TNFSF13B: variants seen among roughly 807,000 people sequenced by gnomAD.
TNFSF13B encodes the protein tumor necrosis factor ligand superfamily member 13B.
TNFSF13B carries 8 observed loss-of-function variants against 29.1 expected under a neutral mutation model. The ratio of observed to expected loss-of-function variants is 0.27; its 90% CI spans 0.16 to 0.50. TNFSF13B has a LOEUF of 0.50. Among genes scored for constraint, TNFSF13B ranks in the 20% least tolerant of loss-of-function variants. The probability of loss-of-function intolerance (pLI) is 0.98; values close to 1 mark genes in which losing one functional copy is unlikely to be tolerated. For synonymous variants in TNFSF13B, 125 were observed against 130.8 expected (o/e 0.96, Z 0.30); for missense variants, 248 against 334.9 (o/e 0.74, Z 2.03).
intron 3 of TNFSF13B, among the ~76,000 whole-genome samples, chr13:108,291,754 G>A (rs1881319944): frequency 6.6e-6 from 1 of 151,736 alleles, no homozygotes; most frequent in African/African-American, 2.4e-5. Flanking sequence ...CATTTATTGG[G>A]TGATATAAAT....
Position 108,298,879 on chromosome 13 carries a change from G to A in TNFSF13B, c.482-4374G>A, listed in dbSNP as rs140497569. ...GCAGCTACTCGGGAGGCTGAGGCAG[G>A]AGAATCACTCGAACCCCAGAGGCAG... On this transcript the variant is annotated intron_variant, in intron 3 of 5. Coordinates refer to ENST00000375887, the MANE Select transcript of TNFSF13B (RefSeq NM_006573.5). Among the ~76,000 whole-genome samples, 1,016 of 145,640 alleles carry A rather than the reference G, an allele frequency of 7.0e-3. 151 individuals carry two copies. Among genetic ancestry groups the A allele is most frequent in the African/African-American group, 0.025 (958 of 38,750 alleles).
chr13:108,290,418 G>A (rs886829132), intron 3 of TNFSF13B, among the ~76,000 whole-genome samples: 1 of 152,120 alleles, frequency 6.6e-6, no homozygotes, highest in East Asian at 1.9e-4. Context: ...TTATTGCTAA[G>A]TGGTCCTATA....
At chr13:108,272,807 A>G (rs1880657378) in intron 2 of TNFSF13B, among the ~76,000 whole-genome samples, 1 of 152,038 alleles carries the variant, frequency 6.6e-6, no homozygotes, top group Non-Finnish European at 1.5e-5. Context: ...CTTCACTGCT[A>G]ATATCCCCGT....
intron 3 of TNFSF13B, among the ~76,000 whole-genome samples, chr13:108,291,372 A>G (rs1235407703): frequency 1.3e-5 from 2 of 151,768 alleles, no homozygotes; most frequent in East Asian, 3.9e-4. Context: ...CATGATATAT[A>G]TTTATATTTT....
chr13:108,296,815 T>A (rs2139064154), intron 3 of TNFSF13B, among the ~76,000 whole-genome samples: 1 of 145,604 alleles, frequency 6.9e-6, no homozygotes, highest in South Asian at 2.1e-4. Flanking sequence ...ACAATAAACA[T>A]CCTAAATTTA....
chr13:108,274,208 C>T (rs1880697121), intron 2 of TNFSF13B, among the ~76,000 whole-genome samples: 1 of 151,974 alleles, frequency 6.6e-6, no homozygotes, highest in Non-Finnish European at 1.5e-5. Context: ...AAGTTAAGCA[C>T]AAAGTTTTGA....
chr13:108,306,756 GTTTTA>G lies in TNFSF13B; in HGVS notation c.746-66_746-62del, dbSNP rs1410078417. 1.1e-5 allele frequency: 10 copies of G among 926,858 alleles called. No homozygotes were observed. The East Asian group carries it at 2.8e-4, about 26-fold the overall frequency. 57.4% of individuals were successfully genotyped at this position (926,858 alleles called of 1,614,324 possible). A position where few individuals can be genotyped will look rare whatever the true frequency, so the allele number is the denominator to read the frequency against. On this transcript the variant is annotated intron_variant, in intron 5 of 5. Coordinates refer to ENST00000375887, the MANE Select transcript of TNFSF13B (RefSeq NM_006573.5). The stretch of plus-strand genomic sequence containing the variant: ...CATTTTTTTTTTACAGAACAAAATA[GTTTTA>G]TTTAAGATTCTTTTCTTTTCTGTTG...
chr13:108,276,097 C>T (rs1030648712), intron 2 of TNFSF13B, among the ~76,000 whole-genome samples: 1 of 152,166 alleles, frequency 6.6e-6, no homozygotes, highest in Non-Finnish European at 1.5e-5. Flanking sequence ...CCAGTCTTTG[C>T]CCGGTTGGCA....
intron 2 of TNFSF13B, among the ~76,000 whole-genome samples, chr13:108,278,181 T>A (rs1298484947): frequency 6.6e-6 from 1 of 152,184 alleles, no homozygotes; most frequent in Non-Finnish European, 1.5e-5. Context: ...TTTTCAAGTG[T>A]GCCACCAGAT....
intron 2 of TNFSF13B, among the ~76,000 whole-genome samples, chr13:108,277,207 G>C (rs2139043929): frequency 6.6e-6 from 1 of 152,288 alleles, no homozygotes; most frequent in East Asian, 1.9e-4. Context: ...TTTTAGATGA[G>C]AAAGCTGCAA....
intron 3 of TNFSF13B, among the ~76,000 whole-genome samples, chr13:108,297,735 G>A (rs73611017): frequency 0.023 from 3,319 of 144,210 alleles, 564 homozygotes; most frequent in African/African-American, 0.082. Flanking sequence ...TATTCCCTAC[G>A]GATGCATATC....
At chr13:108,278,213 G>C (rs1205966771) in intron 2 of TNFSF13B, among the ~76,000 whole-genome samples, 1 of 152,040 alleles carries the variant, frequency 6.6e-6, no homozygotes, top group Admixed American at 6.6e-5. Context: ...TATTGGGTCT[G>C]ACAAGGCCCA....
chr13:108,302,891 CT>C, intron 3 of TNFSF13B: 1 of 986,386 alleles, frequency 1.0e-6, no homozygotes. Context: ...AAAATCTCTA[CT>C]AGTGTGTTAT....
chr13:108,284,894 G>A (rs1308085304), intron 2 of TNFSF13B, among the ~76,000 whole-genome samples: 1 of 152,174 alleles, frequency 6.6e-6, no homozygotes, highest in East Asian at 1.9e-4. Context: ...CTGTACGCTT[G>A]GGGCTTTAGC....
In TNFSF13B at chr13:108,270,142, C is replaced by A; in HGVS notation, c.247C>A (p.Leu83Met). 6.2e-7 allele frequency: 1 copy of A among 1,602,218 alleles called. No individual in the cohort carries two copies. The highest frequency in any genetic ancestry group is 8.5e-7 in the Non-Finnish European group (1 of 1,179,876). ...GGACCTGGCCAGCCTCCGGGCAGAG[C>A]TGCAGGGCCACCACGCGGAGAAGCT... ...QGDLASLRAE[L>M]QGHHAEKLPA... The change falls in exon 1 of 6, where the codon CTG becomes ATG. Residue 83 changes from leucine to methionine, a missense_variant. By Grantham distance (15) the Leu-to-Met change is conservative (BLOSUM62 2). Around this residue, in one of 2 missense-constraint regions of TNFSF13B, gnomAD observed 186 missense variants for 196.3 expected, o/e 0.95. Transcript: ENST00000375887.
intron 3 of TNFSF13B, among the ~76,000 whole-genome samples, chr13:108,301,820 G>A (rs1028717915): frequency 6.6e-6 from 1 of 152,090 alleles, no homozygotes; most frequent in African/African-American, 2.4e-5. Context: ...ACTGTACGAG[G>A]TAACATATAT....
In TNFSF13B at chr13:108,294,717, C is replaced by T. The variant is rs1881420721; in HGVS notation, c.481+7858C>T. On this transcript the variant is annotated intron_variant, in intron 3 of 5. Transcript: ENST00000375887. ...GTGTGGCATTGATATCAGTGTAACT[C>T]TAGACATACAGAACAAGTTAGGAAT... Among the ~76,000 whole-genome samples, 2 of 109,440 alleles carry T rather than the reference C, an allele frequency of 1.8e-5. 1 individual carries two copies. The highest frequency in any genetic ancestry group is 1.6e-4 in the Admixed American group (2 of 12,256). 71.8% of individuals were successfully genotyped at this position (109,440 alleles called of 152,430 possible). A position where few individuals can be genotyped will look rare whatever the true frequency, so the allele number is the denominator to read the frequency against.
intron 3 of TNFSF13B, chr13:108,301,116 G>A (rs892575045): frequency 1.3e-5 from 2 of 152,080 alleles, no homozygotes; most frequent in Non-Finnish European, 2.9e-5. Flanking sequence ...ATATAAATTA[G>A]TGTAGCCATT....
At chr13:108,296,788 T>C (rs1321858520) in intron 3 of TNFSF13B, among the ~76,000 whole-genome samples, 1 of 145,494 alleles carries the variant, frequency 6.9e-6, no homozygotes, top group Non-Finnish European at 1.5e-5. Context: ...ATTATCATAG[T>C]TGTTATTCTG....
Sources: gnomAD v4.1 joint callset for allele counts (sites outside exome capture counted in the v4.1 genomes callset) on GRCh38, gnomAD v4.1.1 for gene constraint, gnomAD v4.1.1 regional missense constraint, MANE v1.5 for transcripts, NCBI Gene and HGNC (gene_info 2026-07-23, HGNC 2026-07-21) for gene names.